BACE2: variants seen among roughly 807,000 people sequenced by gnomAD.
The protein encoded by BACE2 is beta-secretase 2, also known as 56 kDa aspartic-like protease.
Under a neutral mutation model 46.2 loss-of-function variants are expected in BACE2, and 17 were observed. That is an observed-to-expected ratio of 0.37 (90% CI 0.25 to 0.55). BACE2 has a LOEUF of 0.55. Among genes scored for constraint, BACE2 ranks in the 20% least tolerant of loss-of-function variants. The probability of loss-of-function intolerance (pLI) is 0.82; values close to 1 mark genes in which losing one functional copy is unlikely to be tolerated. For synonymous variants in BACE2, 277 were observed against 295.9 expected (o/e 0.94, Z 0.66); for missense variants, 595 against 698.1 (o/e 0.85, Z 1.66).
At chr21:41,266,950 G>C (rs199804385) in intron 8 of BACE2, among the ~76,000 whole-genome samples, 1 of 16,622 alleles carries the variant, frequency 6.0e-5, no homozygotes. Flanking sequence ...CAGTGTTTGT[G>C]TGTGTGTGTG....
At chr21:41,238,416 G>T (rs1987187345) in intron 3 of BACE2, among the ~76,000 whole-genome samples, 1 of 152,248 alleles carries the variant, frequency 6.6e-6, no homozygotes, top group Non-Finnish European at 1.5e-5. Flanking sequence ...GAGGCAGGCA[G>T]GGGAATTTCC....
chr21:41,202,661 A>C (rs1236332292), intron 1 of BACE2, among the ~76,000 whole-genome samples: 1 of 152,194 alleles, frequency 6.6e-6, no homozygotes, highest in East Asian at 1.9e-4. Context: ...ACATTGTAAC[A>C]AGTCATAAGG....
Position 41,257,277 on chromosome 21 carries a change from C to T in BACE2, c.1254C>T (p.Ile418=), listed in dbSNP as rs563510045. ...CGGTGATGGAGGGCTTCTACGTCAT[C>T]TTCGACAGAGCCCAGAAGAGGGTGG... ...GATVMEGFYV[I]FDRAQKRVGF... Residue 418 remains isoleucine (I), a synonymous_variant, in exon 8 of 9, where the codon ATC becomes ATT. Transcript: ENST00000330333. 1.2e-6 allele frequency: 2 copies of T among 1,614,182 alleles called. No individual in the cohort carries two copies. Among genetic ancestry groups the T allele is most frequent in the Non-Finnish European group, 1.7e-6 (2 of 1,180,034 alleles).
intron 1 of BACE2, among the ~76,000 whole-genome samples, chr21:41,225,847 G>A (rs1251570109): frequency 1.3e-5 from 2 of 152,228 alleles, no homozygotes; most frequent in African/African-American, 4.8e-5. Context: ...TCCTGGGGAG[G>A]GGAGGTCACG....
At chr21:41,227,188 C>G (rs956963232) in intron 2 of BACE2, among the ~76,000 whole-genome samples, 8 of 152,238 alleles carry the variant, frequency 5.3e-5, no homozygotes, top group Non-Finnish European at 8.8e-5. Context: ...ATTCAACAGA[C>G]AGCCAGGTAA....
Position 41,228,950 on chromosome 21 carries a change from C to CT in BACE2, c.401+2597dup, listed in dbSNP as rs1568877239. ...ATGTGAATGGGAGGTGCATTCTGTGCTCATATGATCCAGCAGATTTCACCC... is the reference window on the plus strand; with the variant it reads ...ATGTGAATGGGAGGTGCATTCTGTGCTTCATATGATCCAGCAGATTTCACCC... On this transcript the variant is annotated intron_variant, in intron 2 of 8. Coordinates refer to ENST00000330333, the MANE Select transcript of BACE2 (RefSeq NM_012105.5). Among the ~76,000 whole-genome samples, 3 of 152,298 alleles carry CT rather than the reference C, an allele frequency of 2.0e-5. No individual in the cohort carries two copies. In the East Asian group the frequency reaches 5.8e-4, roughly 29 times the overall value.
At chr21:41,234,633 A>T (rs1291091247) in intron 2 of BACE2, among the ~76,000 whole-genome samples, 1 of 152,270 alleles carries the variant, frequency 6.6e-6, no homozygotes, top group Non-Finnish European at 1.5e-5. Flanking sequence ...TAGTCTTTGT[A>T]TATTTCTGAA....
intron 3 of BACE2, among the ~76,000 whole-genome samples, chr21:41,241,309 G>A (rs755723262): frequency 2.0e-5 from 3 of 152,160 alleles, no homozygotes; most frequent in Admixed American, 6.5e-5. Flanking sequence ...GAGTTCATCT[G>A]GCAGAGCTAA....
At chr21:41,237,483 A>G in intron 2 of BACE2, 30 bp from the exon 3 acceptor site, 1 of 1,413,592 alleles carries the variant, frequency 7.1e-7, no homozygotes, top group Non-Finnish European at 9.6e-7. Context: ...AATAAAATGA[A>G]TACAATATGC....
At chr21:41,192,696 G>C (rs1241719511) in intron 1 of BACE2, among the ~76,000 whole-genome samples, 1 of 152,208 alleles carries the variant, frequency 6.6e-6, no homozygotes, top group Non-Finnish European at 1.5e-5. Context: ...TGGGTCGTAT[G>C]GCCCAAGTGG....
intron 1 of BACE2, among the ~76,000 whole-genome samples, chr21:41,188,530 G>A (rs1385929552): frequency 3.3e-5 from 5 of 152,072 alleles, no homozygotes; most frequent in Non-Finnish European, 7.4e-5. Flanking sequence ...TAGAGTGGTG[G>A]CAAGACGAGA....
At chr21:41,208,198 A>G (rs745501818) in intron 1 of BACE2, among the ~76,000 whole-genome samples, 1 of 152,220 alleles carries the variant, frequency 6.6e-6, no homozygotes, top group Non-Finnish European at 1.5e-5. Context: ...ACACCTTTCT[A>G]AGGGTGGTGG....
At chr21:41,206,465 G>A (rs1986127979) in intron 1 of BACE2, among the ~76,000 whole-genome samples, 1 of 152,212 alleles carries the variant, frequency 6.6e-6, no homozygotes, top group Admixed American at 6.5e-5. Context: ...CCTTAAAAAG[G>A]AAGACGGTTC....
intron 1 of BACE2, chr21:41,184,046 G>T (rs975539653): frequency 4.8e-5 from 8 of 167,000 alleles, no homozygotes; most frequent in African/African-American, 1.9e-4. Context: ...CTTTTGCCCT[G>T]TCCCTGTTGT....
intron 2 of BACE2, among the ~76,000 whole-genome samples, chr21:41,232,715 A>G (rs138859801): frequency 1.3e-4 from 20 of 152,252 alleles, no homozygotes; most frequent in African/African-American, 4.1e-4. Context: ...CTTGAGTGGA[A>G]GCTTCCTGAG....
In BACE2 at chr21:41,280,665, G is replaced by A. The variant is rs1310126562; in HGVS notation, c.*5041G>A. ...TTAGCCACATCTGCGGAATGTGGAA[G>A]GCAGAACATAGCCACGCTGCTTAGT... On this transcript the variant is annotated 3_prime_UTR_variant, in exon 9 of 9. Coordinates refer to ENST00000330333, the MANE Select transcript of BACE2 (RefSeq NM_012105.5). The A allele has an allele frequency of 1.3e-5, 2 of 152,290 alleles. No individual in the cohort carries two copies. The highest frequency in any genetic ancestry group is 4.8e-5 in the African/African-American group (2 of 41,466). The allele number at this position is 152,290 out of a possible 1,614,324, so 9.4% of individuals were successfully genotyped here.
chr21:41,269,405 G>A (rs2123648252), intron 8 of BACE2, among the ~76,000 whole-genome samples: 1 of 152,288 alleles, frequency 6.6e-6, no homozygotes, highest in Admixed American at 6.5e-5. Context: ...GATACAGTTT[G>A]ATAAGTGTTA....
chr21:41,216,196 T>C (rs1986461529), intron 1 of BACE2, among the ~76,000 whole-genome samples: 1 of 152,206 alleles, frequency 6.6e-6, no homozygotes. Flanking sequence ...CCATTTCCAG[T>C]GTCACCACAC....
chr21:41,272,985 C>A (rs905404388), intron 8 of BACE2, among the ~76,000 whole-genome samples: 43 of 152,010 alleles, frequency 2.8e-4, no homozygotes, highest in African/African-American at 1.0e-3. Flanking sequence ...GGAAAGAGTA[C>A]AAAAGAGAGA....
Sources: gnomAD v4.1 joint callset for allele counts (sites outside exome capture counted in the v4.1 genomes callset) on GRCh38, gnomAD v4.1.1 for gene constraint, MANE v1.5 for transcripts, NCBI Gene and HGNC (gene_info 2026-07-23, HGNC 2026-07-21) for gene names.